The following PCDH15 variants were observed in gnomAD, a reference collection of about 807,000 sequenced individuals.
PCDH15 encodes protocadherin-15.
Under a neutral mutation model 178.5 loss-of-function variants are expected in PCDH15, and 129 were observed. The ratio of observed to expected loss-of-function variants is 0.72; its 90% CI spans 0.63 to 0.84. PCDH15 has a LOEUF of 0.84. Among genes scored for constraint, PCDH15 ranks in the 40% least tolerant of loss-of-function variants. The pLI, the probability that PCDH15 is intolerant of heterozygous loss-of-function variation, is 0.00. For synonymous variants in PCDH15, 800 were observed against 732.0 expected, an observed-to-expected ratio of 1.09 and a Z score of -1.50; for missense variants, 2,230 against 2,099.9, an observed-to-expected ratio of 1.06 and a Z score of -1.21.
intron 20 of PCDH15, among the ~76,000 whole-genome samples, chr10:53,996,182 T>TA (rs1047063741): frequency 2.1e-5 from 3 of 145,534 alleles, no homozygotes; most frequent in African/African-American, 7.8e-5. Flanking sequence ...TATAGCAATG[T>TA]AAATTATTTT....
rs771976717 is a variant in PCDH15, at chr10:54,079,374, C to T, written c.2048G>A (p.Arg683His). The change falls in exon 17 of 38, where the codon CGC becomes CAC. Residue 683 changes from arginine (R) to histidine (H), a missense_variant. By Grantham distance (29) the Arg-to-His change is conservative. Transcript: ENST00000644397. ...GKALDRESTD[R>H]YILIITASDG... ...TGAAGCTGTGATGATCAGAATGTAG[C>T]GATCAGTGCTTTCCCTGTCCAGTGC... The T allele has an allele frequency of 3.7e-6, 6 of 1,614,062 alleles. No individual in the cohort carries two copies. Among genetic ancestry groups the T allele is most frequent in the Middle Eastern group, 1.6e-4 (1 of 6,062 alleles).
At chr10:53,920,982 T>A (rs1048994165) in intron 25 of PCDH15, among the ~76,000 whole-genome samples, 1 of 152,182 alleles carries the variant, frequency 6.6e-6, no homozygotes, top group Non-Finnish European at 1.5e-5. Context: ...AAATAATTCA[T>A]TTTTTGCACA....
intron 1 of PCDH15, among the ~76,000 whole-genome samples, chr10:54,731,676 AT>A (rs1783780293): frequency 6.7e-6 from 1 of 150,176 alleles, no homozygotes; most frequent in South Asian, 2.1e-4. Flanking sequence ...ACAGGAGGTC[AT>A]TATAAGTGAA....
rs555934864 is a variant in PCDH15 at position 54,061,180 on chromosome 10, T to C, written c.2220+5577A>G. On this transcript the variant is annotated intron_variant, in intron 18 of 37. Coordinates refer to ENST00000644397, the MANE Select transcript of PCDH15 (RefSeq NM_001384140.1). ...TGGGATCATCTGAGAGTTCTGCAGT[T>C]GAGTATGAGGCCTCTAGTAAGAGGC... Among the ~76,000 whole-genome samples, 3 of 152,292 alleles carry C rather than the reference T, an allele frequency of 2.0e-5. No homozygotes were observed. The East Asian group carries it at 5.8e-4, about 29-fold the overall frequency.
At chr10:55,022,751 C>A (rs1322812676) in intron 2 of PCDH15, among the ~76,000 whole-genome samples, 1 of 148,082 alleles carries the variant, frequency 6.8e-6, no homozygotes, top group African/African-American at 2.5e-5. Context: ...GGCTCAGTCA[C>A]CCAGGCTGGA....
chr10:53,913,206 A>C (rs2083248756), intron 25 of PCDH15, among the ~76,000 whole-genome samples: 2 of 152,222 alleles, frequency 1.3e-5, no homozygotes, highest in Non-Finnish European at 2.9e-5. Context: ...TTCCCTATTT[A>C]ATGAATGGTG....
chr10:54,465,776 A>G (rs1452575657), intron 3 of PCDH15, among the ~76,000 whole-genome samples: 1 of 151,992 alleles, frequency 6.6e-6, no homozygotes, highest in South Asian at 2.1e-4. Flanking sequence ...CATTGCTGGA[A>G]CATAGAGCAG....
At chr10:54,822,769 C>A (rs552593519) in intron 3 of PCDH15, among the ~76,000 whole-genome samples, 14 of 151,972 alleles carry the variant, frequency 9.2e-5, no homozygotes, top group Non-Finnish European at 1.8e-4. Context: ...TACTTCCCTT[C>A]CTTTACATCA....
At chr10:53,924,271 C>T (rs1300356283) in intron 25 of PCDH15, among the ~76,000 whole-genome samples, 1 of 152,152 alleles carries the variant, frequency 6.6e-6, no homozygotes, top group Admixed American at 6.5e-5. Context: ...ACTCCGCACT[C>T]AGAGCGGCCG....
At position 53,816,287 on chromosome 10, in the gene PCDH15, G is replaced by T. The variant is rs1473189726; in HGVS notation, c.4453-10C>A. On this transcript the variant is annotated splice_polypyrimidine_tract_variant and intron_variant, in intron 34 of 37. Transcript: ENST00000644397. ...TCAGCAGTTGCTGTTGCTGTCAAAG[G>T]AAATTAAAATAGAAAAAGATTTAGA... The T allele has an allele frequency of 2.5e-6, 1 of 398,426 alleles. No individual in the cohort carries two copies. Among genetic ancestry groups the T allele is most frequent in the East Asian group, 3.6e-5 (1 of 28,022 alleles). The allele number at this position is 398,426 out of a possible 1,614,324, so 24.7% of individuals were successfully genotyped here. A position where few individuals can be genotyped will look rare whatever the true frequency, so the allele number is the denominator to read the frequency against.
At chr10:54,872,019 C>T (rs1212269930) in intron 3 of PCDH15, among the ~76,000 whole-genome samples, 4 of 151,882 alleles carry the variant, frequency 2.6e-5, no homozygotes, top group African/African-American at 4.8e-5. Context: ...AAATCTGAGC[C>T]CTAGTAAACT....
intron 2 of PCDH15, among the ~76,000 whole-genome samples, chr10:54,979,914 T>C (rs1022364532): frequency 2.0e-5 from 3 of 152,146 alleles, no homozygotes; most frequent in African/African-American, 7.2e-5. Context: ...TAATGATATA[T>C]AAAATTGTAG....
chr10:55,146,986 C>A (rs1275797701), intron 2 of PCDH15, among the ~76,000 whole-genome samples: 1 of 151,438 alleles, frequency 6.6e-6, no homozygotes, highest in African/African-American at 2.4e-5. Flanking sequence ...TAAAAAGAAT[C>A]TATTTTATTA....
chr10:55,005,874 T>A (rs1009184873), intron 2 of PCDH15, among the ~76,000 whole-genome samples: 4 of 152,090 alleles, frequency 2.6e-5, no homozygotes, highest in African/African-American at 9.7e-5. Context: ...CAATGGTAAC[T>A]AGAGCAGAAC....
In PCDH15 at chr10:53,809,621, C is replaced by T. The variant is rs886903999; in HGVS notation, c.4671+935G>A. On this transcript the variant is annotated intron_variant, in intron 37 of 37. Transcript: ENST00000644397. Reference sequence around the variant, plus strand: ...GTATGACCTTGTCCCACGAAAGCTACGCAGGAATGAATCTGTGGGTGATAG... The same window carrying T: ...GTATGACCTTGTCCCACGAAAGCTATGCAGGAATGAATCTGTGGGTGATAG... 132 of 1,394,524 alleles carry T rather than the reference C, an allele frequency of 9.5e-5. 2 individuals carry two copies. In the South Asian group the frequency reaches 1.3e-3, roughly 14 times the overall value. The allele number at this position is 1,394,524 out of a possible 1,614,324, so 86.4% of individuals were successfully genotyped here.
intron 2 of PCDH15, among the ~76,000 whole-genome samples, chr10:55,060,903 G>A (rs1218563787): frequency 2.0e-5 from 3 of 151,928 alleles, no homozygotes; most frequent in Admixed American, 2.0e-4. Context: ...CTAGGCACAG[G>A]CCTTAGACTT....
At chr10:55,608,295 G>A (rs992867568) in intron 2 of PCDH15, among the ~76,000 whole-genome samples, 3 of 150,912 alleles carry the variant, frequency 2.0e-5, no homozygotes, top group Non-Finnish European at 4.4e-5. Flanking sequence ...GGAAGGGGAA[G>A]GGAAGCAGAG....
chr10:54,152,465 C>T (rs73245417), intron 14 of PCDH15, among the ~76,000 whole-genome samples: 2,333 of 151,440 alleles, frequency 0.015, 72 homozygotes, highest in African/African-American at 0.054. Flanking sequence ...AAAAAATAAT[C>T]TGAAGGATTT....
intron 15 of PCDH15, among the ~76,000 whole-genome samples, chr10:54,116,668 C>T (rs190745860): frequency 1.4e-4 from 22 of 152,258 alleles, no homozygotes; most frequent in African/African-American, 4.8e-4. Flanking sequence ...TGCATTGGGC[C>T]TTGCCAATTA....
Sources: gnomAD v4.1 joint callset for allele counts (sites outside exome capture counted in the v4.1 genomes callset) on GRCh38, gnomAD v4.1.1 for gene constraint, MANE v1.5 for transcripts, NCBI Gene and HGNC (gene_info 2026-07-23, HGNC 2026-07-21) for gene names.